The following SCAPER variants were observed in gnomAD, a reference collection of about 807,000 sequenced individuals.
SCAPER encodes S phase cyclin A-associated protein in the endoplasmic reticulum.
Under a neutral mutation model 182.2 loss-of-function variants are expected in SCAPER, and 98 were observed. The ratio of observed to expected loss-of-function variants is 0.54; its 90% CI spans 0.46 to 0.64. SCAPER has a LOEUF of 0.64. SCAPER is among the 30% of genes least tolerant of loss of function. SCAPER has a pLI of 0.00. For missense variants in SCAPER, 1,432 were observed against 1,690.0 expected, an observed-to-expected ratio of 0.85 and a Z score of 2.68; for synonymous variants, 605 against 564.6, an observed-to-expected ratio of 1.07 and a Z score of -1.01.
intron 26 of SCAPER, among the ~76,000 whole-genome samples, chr15:76,424,307 T>C (rs1361243889): frequency 6.6e-6 from 1 of 151,654 alleles, no homozygotes; most frequent in Non-Finnish European, 1.5e-5. Context: ...TGCTCCTGTA[T>C]TGGGTGCATA....
chr15:76,502,302 CT>C (rs950129734), intron 24 of SCAPER, among the ~76,000 whole-genome samples: 10 of 152,172 alleles, frequency 6.6e-5, no homozygotes, highest in African/African-American at 2.4e-4. Context: ...AATCGCCACA[CT>C]CTCTCTTGGA....
intron 24 of SCAPER, among the ~76,000 whole-genome samples, chr15:76,481,485 T>A (rs2051136747): frequency 1.3e-5 from 2 of 152,222 alleles, no homozygotes; most frequent in Non-Finnish European, 2.9e-5. Flanking sequence ...CCTGACCTCA[T>A]ACACGCTGCA....
At chr15:76,781,577 C>A (rs917232830) in intron 8 of SCAPER, among the ~76,000 whole-genome samples, 2 of 152,078 alleles carry the variant, frequency 1.3e-5, no homozygotes, top group African/African-American at 2.4e-5. Context: ...AACCCCAAGA[C>A]ACATAATTGT....
chr15:76,399,701 C>T (rs963317993), intron 27 of SCAPER, among the ~76,000 whole-genome samples: 2 of 152,050 alleles, frequency 1.3e-5, no homozygotes, highest in Admixed American at 6.6e-5. Context: ...AATCGTGTTT[C>T]GGAAAACCTA....
intron 23 of SCAPER, among the ~76,000 whole-genome samples, chr15:76,508,861 A>C (rs1320626387): frequency 6.6e-6 from 1 of 152,142 alleles, no homozygotes; most frequent in Non-Finnish European, 1.5e-5. Flanking sequence ...GCGACAACTG[A>C]TTTGTTTCAT....
intron 5 of SCAPER, 109 bp downstream of exon 5, chr15:76,841,625 C>A: frequency 1.8e-6 from 2 of 1,133,808 alleles, no homozygotes; most frequent in South Asian, 1.6e-5. Flanking sequence ...CCAGCCTGGG[C>A]GACAGAGCAA....
At chr15:76,589,476 C>T (rs988309587) in intron 22 of SCAPER, among the ~76,000 whole-genome samples, 1 of 152,130 alleles carries the variant, frequency 6.6e-6, no homozygotes, top group African/African-American at 2.4e-5. Flanking sequence ...GAAAAGCTGA[C>T]AGCCACAAGC....
chr15:76,843,624 T>C (rs1166030977), intron 4 of SCAPER, among the ~76,000 whole-genome samples: 1 of 152,130 alleles, frequency 6.6e-6, no homozygotes, highest in Non-Finnish European at 1.5e-5. Context: ...ATGGCAATAA[T>C]TGCCAACTTT....
At chr15:76,747,418 C>G (rs961319229) in intron 15 of SCAPER, among the ~76,000 whole-genome samples, 2 of 152,108 alleles carry the variant, frequency 1.3e-5, no homozygotes, top group African/African-American at 4.8e-5. Flanking sequence ...AGGAGAATCG[C>G]CTGGACCCAG....
chr15:76,809,841 T>C (rs758632615), intron 5 of SCAPER, among the ~76,000 whole-genome samples: 3 of 152,112 alleles, frequency 2.0e-5, no homozygotes, highest in African/African-American at 7.2e-5. Flanking sequence ...AAAGACAGAC[T>C]TATGAAGACA....
At position 76,381,461 on chromosome 15, in the gene SCAPER, A is replaced by G. The variant is rs1264367157; in HGVS notation, c.3622T>C (p.Tyr1208His). The change falls in exon 28 of 32, where the codon TAC becomes CAC. Residue 1208 changes from tyrosine to histidine, a missense_variant. Around this residue, in one of 5 missense-constraint regions of SCAPER, gnomAD observed 718 missense variants for 799.7 expected, o/e 0.90. Transcript: ENST00000563290. Reference sequence around the variant, plus strand: ...GCCACTTGGATGGTATTTTGAGTGTAATTCTCCTTGGGACTGGCAGTGCTG... The same window carrying G: ...GCCACTTGGATGGTATTTTGAGTGTGATTCTCCTTGGGACTGGCAGTGCTG... ...DPSTASPKENYTQNTIQVAIQ... is the reference protein window; with the variant it reads ...DPSTASPKENHTQNTIQVAIQ... The G allele has an allele frequency of 6.2e-7, 1 of 1,613,884 alleles. No individual in the cohort carries two copies. The highest frequency in any genetic ancestry group is 8.5e-7 in the Non-Finnish European group (1 of 1,179,860).
At chr15:76,711,857 G>A (rs189768548) in intron 17 of SCAPER, among the ~76,000 whole-genome samples, 72 of 152,092 alleles carry the variant, frequency 4.7e-4, no homozygotes, top group African/African-American at 1.7e-3. Flanking sequence ...AGATGAGTAG[G>A]TTGCAAAAAT....
chr15:76,662,112 G>GT (rs2056231377), intron 21 of SCAPER, among the ~76,000 whole-genome samples: 1 of 152,098 alleles, frequency 6.6e-6, no homozygotes, highest in South Asian at 2.1e-4. Context: ...GTTCTCACTC[G>GT]TAAGTGGGAG....
At chr15:76,762,448 A>C (rs2062851120) in intron 14 of SCAPER, among the ~76,000 whole-genome samples, 1 of 150,150 alleles carries the variant, frequency 6.7e-6, no homozygotes, top group African/African-American at 2.5e-5. Context: ...TTGTGGTTAC[A>C]ACTGTCTACT....
chr15:76,413,348 G>A (rs913701435), intron 26 of SCAPER, among the ~76,000 whole-genome samples: 4 of 152,058 alleles, frequency 2.6e-5, no homozygotes, highest in Non-Finnish European at 5.9e-5. Context: ...CGATTTAGCT[G>A]TTTTTCCCGT....
In SCAPER at chr15:76,688,186, C is replaced by G. The variant is rs149490484; in HGVS notation, c.2508+13572G>C. ...GTTTTGATTTGCATTTCTCTAATGACCAGTGATGATGAGCTTTTCATCATA... is the reference window on the plus strand; with the variant it reads ...GTTTTGATTTGCATTTCTCTAATGAGCAGTGATGATGAGCTTTTCATCATA... On this transcript the variant is annotated intron_variant, in intron 20 of 31. Transcript: ENST00000563290. Among the ~76,000 whole-genome samples the G allele has an allele frequency of 3.4e-5, 5 of 149,186 alleles. No homozygotes were observed. In the East Asian group the frequency reaches 1.0e-3, roughly 31 times the overall value.
intron 26 of SCAPER, among the ~76,000 whole-genome samples, chr15:76,412,883 C>G (rs936506415): frequency 2.6e-5 from 4 of 151,796 alleles, no homozygotes; most frequent in Non-Finnish European, 4.4e-5. Context: ...TTATATATAT[C>G]TCCGTTTATT....
At chr15:76,729,325 C>CACACACAT (rs764536343) in intron 16 of SCAPER, among the ~76,000 whole-genome samples, 5 of 150,020 alleles carry the variant, frequency 3.3e-5, no homozygotes, top group African/African-American at 1.2e-4. Flanking sequence ...CACACACACA[C>CACACACAT]ATATACATAT....
rs554584030 is a variant in SCAPER, at chr15:76,860,900, G to A, written c.124+1516C>T. On this transcript the variant is annotated intron_variant, in intron 3 of 31. Transcript: ENST00000563290. ...TGGAAACATGATTAGAACATGTAAG[G>A]AACAGGAGCCAAGTTAAAGGGTCTC... Among the ~76,000 whole-genome samples, 483 of 152,202 alleles carry A rather than the reference G, an allele frequency of 3.2e-3. 5 individuals are homozygous for A. The highest frequency in any genetic ancestry group is 0.011 in the African/African-American group (461 of 41,542).
Sources: gnomAD v4.1 joint callset for allele counts (sites outside exome capture counted in the v4.1 genomes callset) on GRCh38, gnomAD v4.1.1 for gene constraint, gnomAD v4.1.1 regional missense constraint, MANE v1.5 for transcripts, NCBI Gene and HGNC (gene_info 2026-07-23, HGNC 2026-07-21) for gene names.